Variants in SCLY observed in about 807,000 individuals in gnomAD.
SCLY encodes the protein putative selenocysteine lyase.
In SCLY, 38 loss-of-function variants were observed where a neutral mutation model predicts 50.1. The ratio of observed to expected loss-of-function variants is 0.76; its 90% CI spans 0.59 to 0.99. SCLY has a LOEUF of 0.99. Among genes scored for constraint, SCLY ranks in the 50% least tolerant of loss-of-function variants. The probability of loss-of-function intolerance (pLI) is 0.00; values close to 1 mark genes in which losing one functional copy is unlikely to be tolerated. For missense variants in SCLY, 600 were observed against 620.0 expected, an observed-to-expected ratio of 0.97 and a Z score of 0.34; for synonymous variants, 243 against 249.4, an observed-to-expected ratio of 0.97 and a Z score of 0.24.
intron 10 of SCLY, 36 bp downstream of exon 10, chr2:238,094,558 G>A (rs748501112): frequency 6.5e-6 from 10 of 1,528,870 alleles, no homozygotes; most frequent in Middle Eastern, 1.7e-4. Flanking sequence ...CCGAGTGTGA[G>A]CACAGCTCCC....
chr2:238,091,534 C>T (rs2065362068), intron 8 of SCLY: 10 of 450,776 alleles, frequency 2.2e-5, no homozygotes, highest in East Asian at 1.2e-4. Context: ...GGTGAAGTGT[C>T]AAGCTGCAGG....
intron 4 of SCLY, chr2:238,080,967 C>T (rs1213159778): frequency 6.6e-6 from 1 of 152,244 alleles, no homozygotes; most frequent in Non-Finnish European, 1.5e-5. Context: ...CCTCCCACCC[C>T]CTTTTATTTG....
intron 4 of SCLY, chr2:238,081,418 T>C: frequency 8.9e-6 from 3 of 338,662 alleles, no homozygotes; most frequent in Non-Finnish European, 1.1e-5. Context: ...AGCAAGAGCC[T>C]GCATCCCTGT....
intron 4 of SCLY, chr2:238,081,310 G>A (rs12475091): frequency 0.074 from 12,667 of 170,126 alleles, 618 homozygotes; most frequent in Non-Finnish European, 0.1. Flanking sequence ...TCAGTGCCCG[G>A]GGCAGTCAGC....
chr2:238,069,271 A>G lies in SCLY; in HGVS notation c.304-26A>G. 1 of 1,607,866 alleles carries G rather than the reference A, an allele frequency of 6.2e-7. No individual in the cohort carries two copies. Among genetic ancestry groups the G allele is most frequent in the Non-Finnish European group, 8.5e-7 (1 of 1,177,322 alleles). On this transcript the variant is annotated intron_variant, in intron 3 of 11. Coordinates refer to ENST00000254663, the MANE Select transcript of SCLY (RefSeq NM_016510.7). This position sits in a 1 kb window ranked among gnomAD's most constrained non-coding sequence, Gnocchi z 5.0. ...CCTTACCTCAGCACAGTTTTTGTAA[A>G]TGCTTTTTTTGCTGTATCTCTGCAG...
intron 4 of SCLY, 27 bp from the exon 5 acceptor site, chr2:238,081,682 A>C: frequency 6.2e-7 from 1 of 1,605,290 alleles, no homozygotes; most frequent in Non-Finnish European, 8.5e-7. Flanking sequence ...TGTGCAGCTC[A>C]GTTCGGTACT....
At position 238,094,504 on chromosome 2, in the gene SCLY, C is replaced by A. The variant is rs374330427; in HGVS notation, c.1090C>A (p.Arg364=). 4.3e-6 allele frequency: 7 copies of A among 1,614,134 alleles called. No homozygotes were observed. The East Asian group carries it at 1.6e-4, about 36-fold the overall frequency. The change falls in exon 10 of 12, where the codon CGG becomes AGG. Residue 364 remains arginine, a synonymous_variant. Transcript: ENST00000254663. Reference sequence around the variant, plus strand: ...TCCCAATACCTGTAACTTTTCCATCCGGGGACCCCGGCTTCAAGGTGATGG... The same window carrying A: ...TCCCAATACCTGTAACTTTTCCATCAGGGGACCCCGGCTTCAAGGTGATGG... ...RLPNTCNFSI[R]GPRLQGHVVL... is the part of the protein sequence containing the mutation.
rs563424968 is a variant in SCLY at position 238,094,069 on chromosome 2, C to T, written c.1005+125C>T. On this transcript the variant is annotated intron_variant, in intron 9 of 11. Transcript: ENST00000254663. ...GATTGCAGCGTAGCCTGGAACTCAG[C>T]AGGATGCAGTGAGGGAAGAAAGAAC... is the stretch of plus-strand genomic sequence containing the variant. 8 of 842,448 alleles carry T rather than the reference C, an allele frequency of 9.5e-6. No individual in the cohort carries two copies. The South Asian group carries it at 1.2e-4, about 13-fold the overall frequency. 52.2% of individuals were successfully genotyped at this position (842,448 alleles called of 1,614,324 possible).
At chr2:238,088,271 G>C (rs1206322458) in intron 7 of SCLY, among the ~76,000 whole-genome samples, 2 of 151,756 alleles carry the variant, frequency 1.3e-5, no homozygotes, top group Non-Finnish European at 1.5e-5. Flanking sequence ...GGCCCAGCCT[G>C]GCCAACATGG....
chr2:238,065,235 A>G (rs955801471), intron 2 of SCLY: 2 of 152,246 alleles, frequency 1.3e-5, no homozygotes, highest in Non-Finnish European at 2.9e-5. Flanking sequence ...CTTAATAACA[A>G]AGCCCTTCAG....
At chr2:238,088,164 T>A (rs2065319707) in intron 7 of SCLY, among the ~76,000 whole-genome samples, 5 of 152,012 alleles carry the variant, frequency 3.3e-5, no homozygotes, top group Admixed American at 3.3e-4. Context: ...GGTTCAATAT[T>A]CAAAATGCGA....
intron 10 of SCLY, chr2:238,094,814 G>C: frequency 2.5e-6 from 1 of 396,274 alleles, no homozygotes; most frequent in Middle Eastern, 6.6e-4. Context: ...AAGCCGTCAG[G>C]GAAGGAAGCA....
At chr2:238,094,376 G>C (rs747701258) in intron 9 of SCLY, 44 bp from the exon 10 acceptor site, 1 of 1,482,718 alleles carries the variant, frequency 6.7e-7, no homozygotes, top group Non-Finnish European at 9.4e-7. Flanking sequence ...GCTGGTGGTG[G>C]TGTCTTTGAA....
rs15787 is a variant in SCLY, at chr2:238,099,350, T to A, written c.*995T>A. ...GTGGTTTTACGGTTCAAGGAACTAC[T>A]TGATGATTTTGAGGAAACACTTGCC... On this transcript the variant is annotated 3_prime_UTR_variant, in exon 12 of 12. Coordinates refer to ENST00000254663, the MANE Select transcript of SCLY (RefSeq NM_016510.7). 230,698 of 466,886 alleles carry A rather than the reference T, an allele frequency of 0.49. 60,590 individuals carry two copies. Among genetic ancestry groups the A allele is most frequent in the Non-Finnish European group, 0.57 (129,435 of 226,014 alleles). 28.9% of individuals were successfully genotyped at this position (466,886 alleles called of 1,614,324 possible).
intron 4 of SCLY, 145 bp from the exon 5 acceptor site, chr2:238,081,564 C>T (rs1291024964): frequency 1.3e-5 from 15 of 1,127,740 alleles, no homozygotes; most frequent in Admixed American, 2.7e-5. Context: ...TGATGATGGG[C>T]GGCTTATATT....
At chr2:238,085,584 G>T (rs550798221) in intron 7 of SCLY, among the ~76,000 whole-genome samples, 2 of 151,830 alleles carry the variant, frequency 1.3e-5, no homozygotes, top group African/African-American at 4.8e-5. Flanking sequence ...AAAATTAGCC[G>T]GGCTTGGTGG....
chr2:238,080,282 G>T (rs2065222525), intron 4 of SCLY: 1 of 151,884 alleles, frequency 6.6e-6, no homozygotes, highest in Non-Finnish European at 1.5e-5. Context: ...ATACCAGTTA[G>T]AATTTTTTTA....
At chr2:238,073,219 T>C (rs2065143054) in intron 4 of SCLY, among the ~76,000 whole-genome samples, 1 of 152,244 alleles carries the variant, frequency 6.6e-6, no homozygotes, top group Non-Finnish European at 1.5e-5. Context: ...TTTACCTGTA[T>C]TTCTGTTCTT....
At chr2:238,080,706 G>T (rs1048316164) in intron 4 of SCLY, 4 of 152,278 alleles carry the variant, frequency 2.6e-5, no homozygotes, top group African/African-American at 9.7e-5. Context: ...GTGTGGTGCT[G>T]TCTCAGTCTG....
Sources: gnomAD v4.1 joint callset for allele counts (sites outside exome capture counted in the v4.1 genomes callset) on GRCh38, gnomAD v4.1.1 for gene constraint, Gnocchi (gnomAD v3.1) non-coding constraint, MANE v1.5 for transcripts, NCBI Gene and HGNC (gene_info 2026-07-23, HGNC 2026-07-21) for gene names.